Variants in XYLT1 observed in about 807,000 individuals in gnomAD.
XYLT1 encodes beta-D-xylosyltransferase 1.
XYLT1 carries 36 observed loss-of-function variants against 91.3 expected under a neutral mutation model. The observed-to-expected ratio is 0.39, with a 90% CI of 0.30 to 0.52. XYLT1 has a LOEUF of 0.52. Ranked by LOEUF, XYLT1 falls within the 20% of genes least tolerant of loss-of-function variation. XYLT1 has a pLI of 0.68. For synonymous variants in XYLT1, 588 were observed against 532.0 expected (o/e 1.11, Z -1.45); for missense variants, 1,242 against 1,284.5 (o/e 0.97, Z 0.51).
At chr16:17,199,211 A>C (rs182294894) in intron 4 of XYLT1, among the ~76,000 whole-genome samples, 2 of 152,260 alleles carry the variant, frequency 1.3e-5, no homozygotes, top group Admixed American at 6.5e-5. Context: ...CTAGAAGCCG[A>C]CCTTTTGGAC....
intron 3 of XYLT1, among the ~76,000 whole-genome samples, chr16:17,235,707 G>T (rs564140982): frequency 1.6e-4 from 24 of 152,212 alleles, no homozygotes; most frequent in South Asian, 8.3e-4. Flanking sequence ...CTTAAAAAAC[G>T]TTTGCCTAGT....
chr16:17,303,963 C>T (rs989914025), intron 2 of XYLT1, among the ~76,000 whole-genome samples: 2 of 151,976 alleles, frequency 1.3e-5, no homozygotes, highest in Non-Finnish European at 2.9e-5. Flanking sequence ...GAACAAAATA[C>T]ATATGTGAGC....
At chr16:17,316,046 G>T (rs1442580495) in intron 2 of XYLT1, among the ~76,000 whole-genome samples, 2 of 152,168 alleles carry the variant, frequency 1.3e-5, no homozygotes, top group Non-Finnish European at 2.9e-5. Flanking sequence ...GGGGCACTAG[G>T]AAATAGCCCC....
rs753228758 is a variant in XYLT1 at position 17,255,399 on chromosome 16, C to T, written c.913+3589G>A. Among the ~76,000 whole-genome samples, 8 of 152,150 alleles carry T rather than the reference C, an allele frequency of 5.3e-5. No homozygotes were observed. In the South Asian group the frequency reaches 6.2e-4, roughly 12 times the overall value. On this transcript the variant is annotated intron_variant, in intron 3 of 11. Coordinates refer to ENST00000261381, the MANE Select transcript of XYLT1 (RefSeq NM_022166.4). ...TATGACGGATGGCAGACTTGAATAG[C>T]TGTGACAAAGACTGGCCCCCAAATC...
chr16:17,271,833 A>C (rs1391869330), intron 2 of XYLT1, among the ~76,000 whole-genome samples: 1 of 152,164 alleles, frequency 6.6e-6, no homozygotes, highest in Non-Finnish European at 1.5e-5. Flanking sequence ...TCCCATTCAG[A>C]AACAGCCTTT....
intron 2 of XYLT1, among the ~76,000 whole-genome samples, chr16:17,344,136 T>C (rs1369090625): frequency 6.6e-6 from 1 of 151,966 alleles, no homozygotes; most frequent in East Asian, 1.9e-4. Flanking sequence ...TAAAATCTAG[T>C]GTGTACATGC....
At chr16:17,244,648 G>A (rs1278365888) in intron 3 of XYLT1, among the ~76,000 whole-genome samples, 1 of 152,188 alleles carries the variant, frequency 6.6e-6, no homozygotes, top group African/African-American at 2.4e-5. Flanking sequence ...GGCATCCGTT[G>A]TAGGTAGCAA....
intron 1 of XYLT1, among the ~76,000 whole-genome samples, chr16:17,411,034 A>G (rs1164488635): frequency 6.6e-6 from 1 of 152,226 alleles, no homozygotes; most frequent in African/African-American, 2.4e-5. Context: ...CACATCCAGC[A>G]GTAAAGAACC....
intron 3 of XYLT1, among the ~76,000 whole-genome samples, chr16:17,237,512 A>T (rs2033267704): frequency 6.6e-6 from 1 of 152,140 alleles, no homozygotes; most frequent in African/African-American, 2.4e-5. Context: ...AACCTTTCTC[A>T]TGACTCCAGG....
intron 2 of XYLT1, among the ~76,000 whole-genome samples, chr16:17,323,200 T>A (rs1237952052): frequency 6.6e-6 from 1 of 152,252 alleles, no homozygotes; most frequent in Non-Finnish European, 1.5e-5. Flanking sequence ...TGATTTTCTA[T>A]GATATCCCTC....
chr16:17,262,977 T>C (rs904468554), intron 2 of XYLT1, among the ~76,000 whole-genome samples: 3 of 152,114 alleles, frequency 2.0e-5, no homozygotes, highest in Non-Finnish European at 4.4e-5. Flanking sequence ...ACTCCCATGC[T>C]CCAAGAACAT....
intron 1 of XYLT1, among the ~76,000 whole-genome samples, chr16:17,392,492 TG>T (rs1176281891): frequency 1.3e-5 from 2 of 152,210 alleles, no homozygotes; most frequent in Non-Finnish European, 2.9e-5. Context: ...TTGATCTCTG[TG>T]TGTTATTCAC....
At chr16:17,413,893 C>T (rs1329562934) in intron 1 of XYLT1, among the ~76,000 whole-genome samples, 1 of 152,156 alleles carries the variant, frequency 6.6e-6, no homozygotes, top group Non-Finnish European at 1.5e-5. Context: ...ATATCTAACT[C>T]TCACACACCA....
At chr16:17,348,590 G>A (rs142988442) in intron 2 of XYLT1, among the ~76,000 whole-genome samples, 330 of 152,246 alleles carry the variant, frequency 2.2e-3, no homozygotes, top group Non-Finnish European at 3.9e-3. Context: ...ATGAGGAAAC[G>A]AGGTCACGCA....
At chr16:17,141,453 A>C in intron 6 of XYLT1, 84 bp from the exon 7 acceptor site, 2 of 1,326,780 alleles carry the variant, frequency 1.5e-6, no homozygotes, top group Non-Finnish European at 2.1e-6. Flanking sequence ...CAACACAATC[A>C]TAGCGATGAT....
chr16:17,175,805 G>C (rs2031930011), intron 5 of XYLT1, among the ~76,000 whole-genome samples: 2 of 152,194 alleles, frequency 1.3e-5, no homozygotes, highest in Non-Finnish European at 2.9e-5. Context: ...ATCTGTGCAG[G>C]CACCTCCACT....
At chr16:17,413,233 G>A (rs1432570675) in intron 1 of XYLT1, among the ~76,000 whole-genome samples, 1 of 152,114 alleles carries the variant, frequency 6.6e-6, no homozygotes, top group Non-Finnish European at 1.5e-5. Flanking sequence ...TGGTATACAG[G>A]CATGCATCAA....
intron 2 of XYLT1, among the ~76,000 whole-genome samples, chr16:17,294,000 T>A (rs143760920): frequency 7.1e-4 from 108 of 152,264 alleles, no homozygotes; most frequent in Non-Finnish European, 1.4e-3. Context: ...GGCTGTGCAA[T>A]CTTGAACAAG....
At chr16:17,114,181 T>A (rs1488145241) in intron 11 of XYLT1, among the ~76,000 whole-genome samples, 3 of 152,264 alleles carry the variant, frequency 2.0e-5, no homozygotes, top group African/African-American at 7.2e-5. Context: ...TTTGGCTGTT[T>A]ATCTGCATCC....
Sources: gnomAD v4.1 joint callset for allele counts (sites outside exome capture counted in the v4.1 genomes callset) on GRCh38, gnomAD v4.1.1 for gene constraint, MANE v1.5 for transcripts, NCBI Gene and HGNC (gene_info 2026-07-23, HGNC 2026-07-21) for gene names.